Variants in SRGAP2B observed in about 807,000 individuals in gnomAD.
SRGAP2B encodes the protein SLIT-ROBO Rho GTPase-activating protein 2B.
A neutral mutation model predicts 22.2 loss-of-function variants in SRGAP2B; 9 were observed. The ratio of observed to expected loss-of-function variants is 0.41; its 90% CI spans 0.24 to 0.71. The LOEUF (loss-of-function observed/expected upper bound fraction) is 0.71. SRGAP2B is among the 30% of genes least tolerant of loss of function. The pLI is 0.35. For synonymous variants in SRGAP2B, 36 were observed against 87.4 expected (o/e 0.41, Z 3.28); for missense variants, 114 against 235.8 (o/e 0.48, Z 3.38).
intron 2 of SRGAP2B, among the ~76,000 whole-genome samples, chr1:145,000,095 G>A: frequency 7.1e-6 from 1 of 140,396 alleles, no homozygotes; most frequent in Non-Finnish European, 1.5e-5. Flanking sequence ...ATTTCCCCGT[G>A]TGTATGAATT....
intron 5 of SRGAP2B, among the ~76,000 whole-genome samples, chr1:144,906,345 T>C (rs1418658961): frequency 6.7e-6 from 1 of 149,524 alleles, no homozygotes; most frequent in Non-Finnish European, 1.5e-5. Context: ...CTATTCATTA[T>C]CATTTGTAAT....
chr1:145,022,725 G>C (rs1647280791), intron 2 of SRGAP2B, among the ~76,000 whole-genome samples: 2 of 150,486 alleles, frequency 1.3e-5, no homozygotes, highest in Non-Finnish European at 2.9e-5. Context: ...GACTAGAATT[G>C]CACTTGCTGC....
At chr1:144,920,159 G>T (rs1422675020) in intron 4 of SRGAP2B, among the ~76,000 whole-genome samples, 1 of 150,994 alleles carries the variant, frequency 6.6e-6, no homozygotes, top group Admixed American at 6.6e-5. Context: ...TAGCTAGACA[G>T]AAAAGTTCTC....
At chr1:144,902,696 A>C (rs1246326008) in intron 7 of SRGAP2B, among the ~76,000 whole-genome samples, 3 of 145,530 alleles carry the variant, frequency 2.1e-5, no homozygotes, top group Non-Finnish European at 4.5e-5. Flanking sequence ...TGGGAGGCGG[A>C]GCTTGCAGTG....
intron 3 of SRGAP2B, among the ~76,000 whole-genome samples, chr1:144,975,926 T>G (rs1340911989): frequency 7.5e-6 from 1 of 133,546 alleles, no homozygotes; most frequent in East Asian, 2.1e-4. Context: ...CAGGCTGGAG[T>G]GCAGTGGCAC....
At chr1:145,047,175 CAAAAAAAAAAAAAA>C (rs4058382) in intron 2 of SRGAP2B, among the ~76,000 whole-genome samples, 1 of 14,576 alleles carries the variant, frequency 6.9e-5, no homozygotes, top group Non-Finnish European at 1.1e-4. Flanking sequence ...GACTCTGTCT[CAAAAAAAAAAAAAA>C]AAAAAAAAAA....
intron 4 of SRGAP2B, among the ~76,000 whole-genome samples, chr1:144,927,524 CT>C (rs1664826994): frequency 6.7e-6 from 1 of 150,036 alleles, no homozygotes; most frequent in Non-Finnish European, 1.5e-5. Flanking sequence ...CATGCTGTTG[CT>C]CCACTGAAGA....
chr1:144,985,298 G>T (rs1247662965), intron 3 of SRGAP2B, among the ~76,000 whole-genome samples: 18 of 139,074 alleles, frequency 1.3e-4, no homozygotes, highest in Non-Finnish European at 2.1e-4. Flanking sequence ...AGAGAAAGAA[G>T]CTGGGAGAAA....
chr1:144,995,792 C>T (rs1338095292), intron 2 of SRGAP2B, among the ~76,000 whole-genome samples: 5 of 150,892 alleles, frequency 3.3e-5, no homozygotes, highest in Admixed American at 6.6e-5. Flanking sequence ...AGAAAATCTC[C>T]CAAGGTCAAA....
At position 145,013,829 on chromosome 1, in the gene SRGAP2B, T is replaced by C. The variant is rs1325768835; in HGVS notation, c.68-18629A>G. ...ATTGGGCAGTTTAGAGCCTCAGATA[T>C]ATCAAGTGAGTATGCACAACGATTA... On this transcript the variant is annotated intron_variant, in intron 2 of 9. Transcript: ENST00000612199. Among the ~76,000 whole-genome samples the C allele has an allele frequency of 4.4e-4, 67 of 150,970 alleles. 1 individual carries two copies. The highest frequency in any genetic ancestry group is 1.2e-3 in the African/African-American group (50 of 40,426).
chr1:144,955,026 C>A (rs1321073227), intron 4 of SRGAP2B, among the ~76,000 whole-genome samples: 1 of 150,494 alleles, frequency 6.6e-6, no homozygotes, highest in Non-Finnish European at 1.5e-5. Context: ...GAAAACTTCC[C>A]AAAACACAGT....
chr1:145,001,763 G>A lies in SRGAP2B; in HGVS notation c.68-6563C>T, dbSNP rs1255562507. Among the ~76,000 whole-genome samples the A allele has an allele frequency of 4.6e-4, 70 of 150,750 alleles. 4 individuals carry two copies. Among genetic ancestry groups the A allele is most frequent in the African/African-American group, 1.7e-3 (68 of 40,286 alleles). On this transcript the variant is annotated intron_variant, in intron 2 of 9. Transcript: ENST00000612199. ...AGGCCAGGCACAGTGGCTCACCCCT[G>A]TAATCCCGGGACTTTGGGAAGCCAA...
chr1:144,960,514 C>T (rs587700927), intron 3 of SRGAP2B, among the ~76,000 whole-genome samples: 8 of 150,240 alleles, frequency 5.3e-5, no homozygotes, highest in Non-Finnish European at 1.0e-4. Flanking sequence ...TATTTATGGA[C>T]GTTCAACAAA....
intron 2 of SRGAP2B, among the ~76,000 whole-genome samples, chr1:145,007,659 T>G (rs1671695510): frequency 6.6e-6 from 1 of 150,782 alleles, no homozygotes; most frequent in African/African-American, 2.5e-5. Context: ...ATTACTTATC[T>G]CTCTATGCAA....
chr1:144,957,265 T>C (rs1159709689), intron 3 of SRGAP2B, among the ~76,000 whole-genome samples: 10 of 150,630 alleles, frequency 6.6e-5, no homozygotes, highest in African/African-American at 2.2e-4. Flanking sequence ...CACTTGTGAT[T>C]TGTAAACCAT....
At chr1:145,009,151 T>C (rs1390822040) in intron 2 of SRGAP2B, among the ~76,000 whole-genome samples, 4 of 132,482 alleles carry the variant, frequency 3.0e-5, no homozygotes, top group Non-Finnish European at 4.7e-5. Flanking sequence ...CACTCCAGCC[T>C]GGGCGACAGA....
chr1:144,907,539 G>A (rs1244079773), intron 5 of SRGAP2B, among the ~76,000 whole-genome samples: 6 of 150,118 alleles, frequency 4.0e-5, no homozygotes, highest in East Asian at 1.9e-4. Context: ...AACTGGTTCC[G>A]TGTATGAACC....
chr1:145,020,675 A>T (rs1162382023), intron 2 of SRGAP2B, among the ~76,000 whole-genome samples: 1 of 147,474 alleles, frequency 6.8e-6, no homozygotes, highest in Non-Finnish European at 1.5e-5. Flanking sequence ...CTGATACATG[A>T]TCATCAAAAA....
At chr1:145,021,199 ATCAGATCCTCC>A (rs1672777985) in intron 2 of SRGAP2B, among the ~76,000 whole-genome samples, 1 of 119,710 alleles carries the variant, frequency 8.4e-6, no homozygotes, top group Non-Finnish European at 1.7e-5. Context: ...AATTAATAAT[ATCAGATCCTCC>A]TCTGTTTTCA....
Sources: gnomAD v4.1 joint callset for allele counts (sites outside exome capture counted in the v4.1 genomes callset) on GRCh38, gnomAD v4.1.1 for gene constraint, MANE v1.5 for transcripts, NCBI Gene and HGNC (gene_info 2026-07-23, HGNC 2026-07-21) for gene names.